Variants in MYO15B observed in about 807,000 individuals in gnomAD.
MYO15B encodes the protein myosin XVB pseudogene.
A neutral mutation model predicts 119.3 loss-of-function variants in MYO15B; 207 were observed. The observed-to-expected ratio is 1.73, with a 90% CI of 1.55 to 1.95. The LOEUF is 1.95. MYO15B is among the 30% of genes most tolerant of loss of function. The probability of loss-of-function intolerance (pLI) is 0.00; values close to 1 mark genes in which losing one functional copy is unlikely to be tolerated. For missense variants in MYO15B, 2,264 were observed against 1,203.1 expected (o/e 1.88, Z -13.04); for synonymous variants, 966 against 498.9 (o/e 1.94, Z -12.48).
At chr17:75,592,013 C>T (rs1186494997) in exon 6 of MYO15B, 3 of 702,662 alleles carry the variant, frequency 4.3e-6, no homozygotes, top group South Asian at 1.5e-5. Flanking sequence ...CAGCTTTGGC[C>T]ATGCCAAGAC....
exon 47 of MYO15B, chr17:75,619,975 G>A (rs1363454632): frequency 2.8e-6 from 2 of 702,830 alleles, no homozygotes; most frequent in Non-Finnish European, 2.6e-6. Context: ...CCCGGGCAAG[G>A]GCCATCGAGG....
Position 75,613,790 on chromosome 17 carries a change from G to C in MYO15B, c.5219+13G>C. The C allele has an allele frequency of 1.4e-6, 1 of 698,664 alleles. No homozygotes were observed. Among genetic ancestry groups the C allele is most frequent in the Admixed American group, 2.0e-5 (1 of 49,420 alleles). The allele number at this position is 698,664 out of a possible 1,614,324, so 43.3% of individuals were successfully genotyped here. On this transcript the variant is annotated intron_variant, in intron 29 of 63. Coordinates refer to ENST00000645453, the Ensembl canonical transcript of MYO15B. The stretch of plus-strand genomic sequence containing the variant: ...TCCTGCAGAGCAGGTATGGGGACCG[G>C]GGATGGGGGACAGTGTGGCCAAAGT...
rs2056303529 is a variant in MYO15B at position 75,589,521 on chromosome 17, C to T, written c.1464C>T (p.Gly488=). Residue 488 remains glycine, a synonymous_variant, in exon 1 of 64, where the codon GGC becomes GGT. Coordinates refer to ENST00000645453, the Ensembl canonical transcript of MYO15B. The surrounding 1 kb of genome is among the most constrained non-coding windows in gnomAD (Gnocchi z 4.2). The stretch of plus-strand genomic sequence containing the variant: ...ACCAGAGAGGGTACGAGGGGTGGGG[C>T]CGTGAGCCCGGGCTGCGGCACCGTC... The T allele has an allele frequency of 5.0e-6, 2 of 398,124 alleles. No homozygotes were observed. Among genetic ancestry groups the T allele is most frequent in the Non-Finnish European group, 8.9e-6 (2 of 225,972 alleles). The allele number at this position is 398,124 out of a possible 1,614,324, so 24.7% of individuals were successfully genotyped here. A position where few individuals can be genotyped will look rare whatever the true frequency, so the allele number is the denominator to read the frequency against.
At chr17:75,614,035 T>G (rs1310286554) in intron 29 of MYO15B, 164 bp from the exon 30 acceptor site, 3 of 604,334 alleles carry the variant, frequency 5.0e-6, no homozygotes, top group Non-Finnish European at 5.9e-6. Flanking sequence ...GGCCGTGAGG[T>G]GAGGAGGGGA....
rs1421880086 is a variant in MYO15B at position 75,591,030 on chromosome 17, C to T, written c.2360+14C>T. On this transcript the variant is annotated intron_variant, in intron 3 of 63. Transcript: ENST00000645453. ...CAGCACCACTCCGTATGTGACTCTG[C>T]CCCACTGACCCTCTGCTCACCTCCC... is the stretch of plus-strand genomic sequence containing the variant. 1.6e-6 allele frequency: 1 copy of T among 642,414 alleles called. No homozygotes were observed. The highest frequency in any genetic ancestry group is 2.7e-5 in the East Asian group (1 of 36,546). The allele number at this position is 642,414 out of a possible 1,614,324, so 39.8% of individuals were successfully genotyped here. A position where few individuals can be genotyped will look rare whatever the true frequency, so the allele number is the denominator to read the frequency against.
At chr17:75,621,224 TGA>T (rs1324672353) in intron 50 of MYO15B, 48 bp downstream of exon 50, 1 of 663,546 alleles carries the variant, frequency 1.5e-6, no homozygotes, top group Non-Finnish European at 2.8e-6. Context: ...TCAGTCTTCC[TGA>T]GAGAGAGCAC....
At chr17:75,620,491 G>A in exon 49 of MYO15B, 1 of 702,748 alleles carries the variant, frequency 1.4e-6, no homozygotes, top group Non-Finnish European at 2.6e-6. Flanking sequence ...TCTGCCGGGG[G>A]CCGTTCCGGA....
At chr17:75,590,397 C>T (rs752803255) in intron 1 of MYO15B, 154 bp downstream of exon 1, 3 of 398,042 alleles carry the variant, frequency 7.5e-6, no homozygotes, top group Non-Finnish European at 1.3e-5. Context: ...TAAGGGGCAA[C>T]AGGTGCTACG....
Position 75,625,800 on chromosome 17 carries a change from G to T in MYO15B, c.8939-44G>T, listed in dbSNP as rs2059013798. On this transcript the variant is annotated intron_variant, in intron 61 of 63. Transcript: ENST00000645453. ...GGGACCAAGCAGAGCAGGTTCCAGG[G>T]CCCCAGCAGTCAGATTTCCTGCCTG... 4.3e-6 allele frequency: 3 copies of T among 701,284 alleles called. No individual in the cohort carries two copies. The South Asian group carries it at 4.4e-5, about 10-fold the overall frequency. 43.4% of individuals were successfully genotyped at this position (701,284 alleles called of 1,614,324 possible). A position where few individuals can be genotyped will look rare whatever the true frequency, so the allele number is the denominator to read the frequency against.
exon 57 of MYO15B, chr17:75,624,429 G>C (rs60363271): frequency 1.4e-6 from 1 of 702,598 alleles, no homozygotes; most frequent in Non-Finnish European, 2.6e-6. Context: ...ATTATAGGAC[G>C]AATATCCAGA....
At chr17:75,619,149 C>T (rs751323379) in exon 44 of MYO15B, 70 of 702,810 alleles carry the variant, frequency 1.0e-4, no homozygotes, top group Non-Finnish European at 1.2e-4. Flanking sequence ...CCAGATCCTA[C>T]GGGACACCTT....
In MYO15B at chr17:75,596,554, AG is replaced by A. The variant is rs2056871081; in HGVS notation, c.3393+1del. The A allele has an allele frequency of 1.4e-6, 1 of 702,780 alleles. No homozygotes were observed. The highest frequency in any genetic ancestry group is 2.6e-6 in the Non-Finnish European group (1 of 384,990). The allele number at this position is 702,780 out of a possible 1,614,324, so 43.5% of individuals were successfully genotyped here. On this transcript the variant is annotated frameshift_variant and splice_region_variant, in exon 13 of 64. Transcript: ENST00000645453. LOFTEE classifies it high-confidence loss of function. ...AGCCAGATGCTGCTGGCCCAGGAGGAGGTAAGAGGATTGGGCGTGGACGTGG... is the reference window on the plus strand; with the variant it reads ...AGCCAGATGCTGCTGGCCCAGGAGGAGTAAGAGGATTGGGCGTGGACGTGG...
At chr17:75,621,878 G>T in intron 52 of MYO15B, 126 bp from the exon 53 acceptor site, 1 of 632,754 alleles carries the variant, frequency 1.6e-6, no homozygotes, top group South Asian at 1.8e-5. Flanking sequence ...TGCCCTGGCT[G>T]GCATCTATGC....
chr17:75,589,213 C>T lies in MYO15B; in HGVS notation c.1156C>T (p.Leu386=), dbSNP rs1457912094. Residue 386 remains leucine (L), a synonymous_variant, in exon 1 of 64, where the codon CTG becomes TTG. Transcript: ENST00000645453. The surrounding 1 kb of genome is among the most constrained non-coding windows in gnomAD (Gnocchi z 4.2). Reference sequence around the variant, plus strand: ...GCGCTGGCTGCGGCGGCGGCTGCGGCTGCGGCGGCGGCCGCCAGAGGGCGA... The same window carrying T: ...GCGCTGGCTGCGGCGGCGGCTGCGGTTGCGGCGGCGGCCGCCAGAGGGCGA... The T allele has an allele frequency of 5.1e-6, 2 of 390,686 alleles. No individual in the cohort carries two copies. The highest frequency in any genetic ancestry group is 8.9e-6 in the Non-Finnish European group (2 of 224,392). The allele number at this position is 390,686 out of a possible 1,614,324, so 24.2% of individuals were successfully genotyped here.
intron 29 of MYO15B, 30 bp downstream of exon 29, chr17:75,613,807 G>A (rs1277326283): frequency 2.9e-6 from 2 of 691,210 alleles, no homozygotes; most frequent in East Asian, 5.4e-5. Context: ...GGGACAGTGT[G>A]GCCAAAGTGA....
chr17:75,593,076 A>C, intron 9 of MYO15B: 1 of 455,004 alleles, frequency 2.2e-6, no homozygotes, highest in South Asian at 3.2e-5. Context: ...ATGAGCAGCT[A>C]TGGTCAGGCA....
intron 14 of MYO15B, among the ~76,000 whole-genome samples, chr17:75,599,831 G>T (rs2057128092): frequency 6.7e-6 from 1 of 150,180 alleles, no homozygotes; most frequent in South Asian, 2.1e-4. Context: ...GGAGGTGGAG[G>T]TTGCAGTGAG....
chr17:75,616,974 G>C lies in MYO15B; in HGVS notation c.6594+13G>C. The C allele has an allele frequency of 2.8e-6, 2 of 702,940 alleles. No individual in the cohort carries two copies. The highest frequency in any genetic ancestry group is 5.2e-6 in the Non-Finnish European group (2 of 384,990). 43.5% of individuals were successfully genotyped at this position (702,940 alleles called of 1,614,324 possible). ...CTCGTCCCCGCCGGTGAGCACCCCA[G>C]CCTGTCTCCCCCAGAGTGTGTGCTG... is the stretch of plus-strand genomic sequence containing the variant. On this transcript the variant is annotated intron_variant, in intron 40 of 63. Coordinates refer to ENST00000645453, the Ensembl canonical transcript of MYO15B.
At chr17:75,625,633 C>A in exon 61 of MYO15B, 1 of 703,010 alleles carries the variant, frequency 1.4e-6, no homozygotes, top group African/African-American at 1.7e-5. Context: ...AGGACACAGC[C>A]CCCAGGAAGC....
Sources: gnomAD v4.1 joint callset for allele counts (sites outside exome capture counted in the v4.1 genomes callset) on GRCh38, gnomAD v4.1.1 for gene constraint, Gnocchi (gnomAD v3.1) non-coding constraint, MANE v1.5 for transcripts, NCBI Gene and HGNC (gene_info 2026-07-23, HGNC 2026-07-21) for gene names.